The following DHX32 variants were observed in gnomAD, a reference collection of about 807,000 sequenced individuals.
The protein encoded by DHX32 is putative pre-mRNA-splicing factor ATP-dependent RNA helicase DHX32.
A neutral mutation model predicts 70.0 loss-of-function variants in DHX32; 51 were observed. The observed-to-expected ratio is 0.73, with a 90% CI of 0.58 to 0.92. The LOEUF (loss-of-function observed/expected upper bound fraction) is 0.92. DHX32 is among the 40% of genes least tolerant of loss of function. The probability of loss-of-function intolerance (pLI) is 0.00; values close to 1 mark genes in which losing one functional copy is unlikely to be tolerated. For missense variants in DHX32, 762 were observed against 891.8 expected (o/e 0.85, Z 1.85); for synonymous variants, 310 against 315.3 (o/e 0.98, Z 0.18).
At chr10:125,884,157 G>A (rs1389601888), upstream of DHX32, among the ~76,000 whole-genome samples, 2 of 152,212 alleles carry the variant, frequency 1.3e-5, no homozygotes, top group African/African-American at 4.8e-5. Context: ...AATTTGGAGG[G>A]TGGAGTGGCT....
Position 125,841,082 on chromosome 10 carries a change from T to G in DHX32, c.1544-86A>C, listed in dbSNP as rs573643091. The G allele has an allele frequency of 2.0e-6, 3 of 1,471,310 alleles. No homozygotes were observed. The Admixed American group carries it at 6.0e-5, about 30-fold the overall frequency. The allele number at this position is 1,471,310 out of a possible 1,614,324, so 91.1% of individuals were successfully genotyped here. ...ATGCAGAGGGGAGGGGTCACGACTG[T>G]TAGTGGCATGGCTCCTGTCTTGGTA... On this transcript the variant is annotated intron_variant, in intron 7 of 10. Transcript: ENST00000284690.
chr10:125,890,381 A>G (rs1944363416), intron 1 of DHX32, among the ~76,000 whole-genome samples: 1 of 151,544 alleles, frequency 6.6e-6, no homozygotes, highest in East Asian at 1.9e-4. Context: ...TCTCCCAAAA[A>G]TATATCCTAT....
chr10:125,860,941 A>G (rs1944184021), intron 2 of DHX32, among the ~76,000 whole-genome samples: 1 of 151,492 alleles, frequency 6.6e-6, no homozygotes, highest in Non-Finnish European at 1.5e-5. Flanking sequence ...TTTAGTAGAG[A>G]CAAGATTTCA....
chr10:125,880,113 C>T (rs1944308361), intron 1 of DHX32, among the ~76,000 whole-genome samples: 1 of 152,210 alleles, frequency 6.6e-6, no homozygotes, highest in African/African-American at 2.4e-5. Flanking sequence ...ATTTCAGTAG[C>T]TCAGCCAGCT....
intron 4 of DHX32, chr10:125,853,204 C>T (rs780514167): frequency 1.2e-6 from 2 of 1,612,232 alleles, no homozygotes; most frequent in Admixed American, 3.3e-5. Context: ...TAAGTGATTT[C>T]CAGGGAACCT....
chr10:125,836,668 C>A lies in DHX32; in HGVS notation c.*19G>T. On this transcript the variant is annotated 3_prime_UTR_variant, in exon 11 of 11. Transcript: ENST00000284690. The stretch of plus-strand genomic sequence containing the variant: ...CAGCTACCTTTGGGACCCTGCTGCA[C>A]CTTGTGTTTGCTGGGGAGTCACTGG... The A allele has an allele frequency of 6.2e-7, 1 of 1,612,032 alleles. No individual in the cohort carries two copies.
At position 125,859,645 on chromosome 10, in the gene DHX32, C is replaced by T. The variant is rs140070899; in HGVS notation, c.807G>A (p.Ser269=). The change falls in exon 3 of 11, where the codon TCG becomes TCA. Residue 269 remains serine (S), a synonymous_variant. Transcript: ENST00000284690. ...AGACTACAATGTCACCTTTCTCACCCGAGTGGTGAATTTCAAAGATAAGGC... is the reference window on the plus strand; with the variant it reads ...AGACTACAATGTCACCTTTCTCACCTGAGTGGTGAATTTCAAAGATAAGGC... The part of the protein sequence containing the change: ...ILRLIFEIHH[S]GEKGDIVVFL... 961 of 1,607,840 alleles carry T rather than the reference C, an allele frequency of 6.0e-4. 4 individuals are homozygous for T. The African/African-American group carries it at 0.011, about 18-fold the overall frequency.
In DHX32 at chr10:125,836,395, G is replaced by A. The variant is rs1340644077; in HGVS notation, c.*292C>T. 27 of 1,519,466 alleles carry A rather than the reference G, an allele frequency of 1.8e-5. No homozygotes were observed. The highest frequency in any genetic ancestry group is 2.4e-5 in the Non-Finnish European group (27 of 1,138,288). 94.1% of individuals were successfully genotyped at this position (1,519,466 alleles called of 1,614,324 possible). ...GTTCCTCTACAAAAAGTAGGGTTCT[G>A]TCCCATGTGTCTCTGACACATTTAC... On this transcript the variant is annotated 3_prime_UTR_variant, in exon 11 of 11. Coordinates refer to ENST00000284690, the MANE Select transcript of DHX32 (RefSeq NM_018180.3).
At position 125,880,699 on chromosome 10, in the gene DHX32, G is replaced by T. The variant is rs1293819393; in HGVS notation, c.126C>A (p.Pro42=). The T allele has an allele frequency of 6.2e-7, 1 of 1,614,142 alleles. No homozygotes were observed. The highest frequency in any genetic ancestry group is 1.7e-5 in the Admixed American group (1 of 60,012). The change falls in exon 1 of 11, where the codon CCC becomes CCA. Residue 42 remains proline, a synonymous_variant. Coordinates refer to ENST00000284690, the MANE Select transcript of DHX32 (RefSeq NM_018180.3). The part of the protein sequence containing the change: ...VLACEDLELN[P]FDGLPYSSRY... ...GTGATGAATATGGCAATCCATCAAA[G>T]GGGTTAAGTTCCAAATCCTCACAGG...
Position 125,880,505 on chromosome 10 carries a change from A to G in DHX32, c.282+38T>C, listed in dbSNP as rs59306383. The G allele has an allele frequency of 4.3e-3, 6,568 of 1,535,912 alleles. 258 individuals carry two copies. The African/African-American group carries it at 0.08, about 19-fold the overall frequency. On this transcript the variant is annotated intron_variant, in intron 1 of 10. Coordinates refer to ENST00000284690, the MANE Select transcript of DHX32 (RefSeq NM_018180.3). Reference sequence around the variant, plus strand: ...TCATTAAATAACAATTAAAAAATCAACACATACAGCAAATTATTTTTTGTA... The same window carrying G: ...TCATTAAATAACAATTAAAAAATCAGCACATACAGCAAATTATTTTTTGTA...
chr10:125,882,403 C>G (rs1435465722), upstream of DHX32, among the ~76,000 whole-genome samples: 1 of 152,144 alleles, frequency 6.6e-6, no homozygotes, highest in Non-Finnish European at 1.5e-5. Flanking sequence ...GAAAAGCTCT[C>G]TCTCTATTGG....
At chr10:125,837,946 T>C (rs1179511243) in intron 10 of DHX32, among the ~76,000 whole-genome samples, 1 of 152,206 alleles carries the variant, frequency 6.6e-6, no homozygotes, top group African/African-American at 2.4e-5. Context: ...ACAGTGCATT[T>C]CTCTAGCATT....
intron 1 of DHX32, among the ~76,000 whole-genome samples, chr10:125,870,364 C>T (rs1944248630): frequency 6.6e-6 from 1 of 152,142 alleles, no homozygotes; most frequent in African/African-American, 2.4e-5. Flanking sequence ...AGGAAAGAAA[C>T]TTAGAGGCGT....
At chr10:125,844,492 A>G (rs1028344349) in intron 6 of DHX32, among the ~76,000 whole-genome samples, 5 of 152,216 alleles carry the variant, frequency 3.3e-5, no homozygotes, top group Admixed American at 3.3e-4. Context: ...TGGTCCTACA[A>G]CAGAAAAGGA....
At chr10:125,841,998 G>A (rs748494640) in intron 6 of DHX32, 64 bp from the exon 7 acceptor site, 4 of 1,462,958 alleles carry the variant, frequency 2.7e-6, no homozygotes, top group Non-Finnish European at 3.6e-6. Flanking sequence ...AACAGGTACT[G>A]GACTTTTCCC....
intron 1 of DHX32, among the ~76,000 whole-genome samples, chr10:125,894,836 C>T (rs58725493): frequency 1.5e-4 from 23 of 149,088 alleles, no homozygotes; most frequent in East Asian, 3.9e-4. Context: ...AATGAAAAGA[C>T]CGCTTTGTGA....
At chr10:125,886,335 T>G (rs1201911992) in intron 1 of DHX32, among the ~76,000 whole-genome samples, 1 of 152,352 alleles carries the variant, frequency 6.6e-6, no homozygotes, top group East Asian at 1.9e-4. Context: ...TGCTTCATTT[T>G]TTCTCCTTAA....
At chr10:125,845,713 T>G (rs1427650425) in intron 6 of DHX32, among the ~76,000 whole-genome samples, 1 of 152,238 alleles carries the variant, frequency 6.6e-6, no homozygotes, top group East Asian at 1.9e-4. Flanking sequence ...GAAAAGCATT[T>G]TCAACTCCCT....
intron 1 of DHX32, among the ~76,000 whole-genome samples, chr10:125,873,524 C>T (rs1944267788): frequency 1.3e-5 from 2 of 152,070 alleles, no homozygotes; most frequent in South Asian, 4.1e-4. Context: ...AATTTCAGTA[C>T]CAGAAAAACA....
Sources: gnomAD v4.1 joint callset for allele counts (sites outside exome capture counted in the v4.1 genomes callset) on GRCh38, gnomAD v4.1.1 for gene constraint, MANE v1.5 for transcripts, NCBI Gene and HGNC (gene_info 2026-07-23, HGNC 2026-07-21) for gene names.